Variants in SYNE3 observed in about 807,000 individuals in gnomAD.
SYNE3 encodes the protein spectrin repeat containing nuclear envelope family member 3, also known as nesprin-3.
SYNE3 carries 100 observed loss-of-function variants against 111.2 expected under a neutral mutation model. The observed-to-expected ratio is 0.90, with a 90% CI of 0.77 to 1.06. The LOEUF (loss-of-function observed/expected upper bound fraction) is 1.06, where lower values mean the gene tolerates loss of function less well. Among genes scored for constraint, SYNE3 ranks in the 50% least tolerant of loss-of-function variants. The pLI is 0.00. For missense variants in SYNE3, 1,160 were observed against 1,240.3 expected (o/e 0.94, Z 0.97); for synonymous variants, 547 against 533.9 (o/e 1.02, Z -0.34).
intron 1 of SYNE3, among the ~76,000 whole-genome samples, chr14:95,481,040 G>A (rs1383970078): frequency 6.6e-6 from 1 of 152,220 alleles, no homozygotes; most frequent in Non-Finnish European, 1.5e-5. Context: ...TTAGAATGCT[G>A]CGGGGCTGAC....
intron 17 of SYNE3, among the ~76,000 whole-genome samples, chr14:95,427,339 G>C (rs1425052856): frequency 6.6e-6 from 1 of 152,130 alleles, no homozygotes; most frequent in African/African-American, 2.4e-5. Flanking sequence ...GGAGTTTAGA[G>C]AAGACTCTAC....
At chr14:95,489,069 C>A (rs1697848379) in intron 1 of SYNE3, among the ~76,000 whole-genome samples, 2 of 152,212 alleles carry the variant, frequency 1.3e-5, no homozygotes, top group South Asian at 4.1e-4. Context: ...AGCTGAGTGA[C>A]TGAGTGACAA....
At chr14:95,448,730 A>G (rs552515591) in intron 8 of SYNE3, among the ~76,000 whole-genome samples, 2 of 152,308 alleles carry the variant, frequency 1.3e-5, no homozygotes, top group South Asian at 4.1e-4. Flanking sequence ...TATTGTCCCA[A>G]TGTAAGCCCC....
intron 7 of SYNE3, 23 bp downstream of exon 7, chr14:95,452,224 C>A: frequency 1.3e-6 from 2 of 1,567,184 alleles, no homozygotes; most frequent in Non-Finnish European, 1.7e-6. Context: ...CTGAGTCCCA[C>A]CACCCTTGGC....
chr14:95,437,246 G>C (rs10146326), intron 14 of SYNE3, among the ~76,000 whole-genome samples: 3,795 of 152,294 alleles, frequency 0.025, 173 homozygotes, highest in African/African-American at 0.086. Flanking sequence ...TATACAAATA[G>C]TCACCCTTCC....
chr14:95,437,462 G>A (rs914726936), intron 14 of SYNE3, among the ~76,000 whole-genome samples: 1 of 152,170 alleles, frequency 6.6e-6, no homozygotes, highest in Non-Finnish European at 1.5e-5. Context: ...ACTGGCACTC[G>A]AATTTCTCCC....
In SYNE3 at chr14:95,439,238, T is replaced by C. The variant is rs566948463; in HGVS notation, c.2247-76A>G. The C allele has an allele frequency of 1.7e-5, 27 of 1,595,122 alleles. No homozygotes were observed. The East Asian group carries it at 3.8e-4, about 23-fold the overall frequency. ...CCAGGACATGGGAAAAGTAATAGAATTGGGGAACCACGGGTCACGAGTCAG... is the reference window on the plus strand; with the variant it reads ...CCAGGACATGGGAAAAGTAATAGAACTGGGGAACCACGGGTCACGAGTCAG... On this transcript the variant is annotated intron_variant, in intron 13 of 17. Transcript: ENST00000682763.
In SYNE3 at chr14:95,446,106, G is replaced by A; in HGVS notation, c.1450-15C>T. 4 of 1,613,432 alleles carry A rather than the reference G, an allele frequency of 2.5e-6. No homozygotes were observed. Among genetic ancestry groups the A allele is most frequent in the Non-Finnish European group, 3.4e-6 (4 of 1,179,826 alleles). ...ATCAGGGCTGCCTGTGGGAGACAAG[G>A]CTTCCGTGAACCACAGACCGGGCAG... On this transcript the variant is annotated splice_polypyrimidine_tract_variant and intron_variant, in intron 8 of 17. Coordinates refer to ENST00000682763, the MANE Select transcript of SYNE3 (RefSeq NM_152592.6).
intron 1 of SYNE3, among the ~76,000 whole-genome samples, chr14:95,494,552 C>G (rs1178252675): frequency 6.6e-6 from 1 of 152,102 alleles, no homozygotes; most frequent in African/African-American, 2.4e-5. Flanking sequence ...GGGGACTGAA[C>G]AGCACAGGAT....
rs1436475777 is a variant in SYNE3 at position 95,485,593 on chromosome 14, G to A, written c.-14-9758C>T. The stretch of plus-strand genomic sequence containing the variant: ...AGCCCCTAGACCTCCCAGGAATGCC[G>A]AAATGCTCAGCGTTTTTTTCCCTCT... On this transcript the variant is annotated intron_variant, in intron 1 of 17. Transcript: ENST00000682763. The surrounding 1 kb of genome is among the most constrained non-coding windows in gnomAD (Gnocchi z 4.3). Among the ~76,000 whole-genome samples, 3 of 152,094 alleles carry A rather than the reference G, an allele frequency of 2.0e-5. No homozygotes were observed. The highest frequency in any genetic ancestry group is 2.1e-4 in the South Asian group (1 of 4,822).
At chr14:95,513,406 G>C (rs1890791153) in intron 1 of SYNE3, among the ~76,000 whole-genome samples, 1 of 152,102 alleles carries the variant, frequency 6.6e-6, no homozygotes, top group Non-Finnish European at 1.5e-5. Context: ...CTGCACTCTG[G>C]TGTTACAATG....
At chr14:95,432,215 G>T in intron 16 of SYNE3, 98 bp from the exon 17 acceptor site, 1 of 1,397,174 alleles carries the variant, frequency 7.2e-7, no homozygotes, top group Non-Finnish European at 9.9e-7. Context: ...TATTCGTTTT[G>T]TCAGGGGAGT....
intron 1 of SYNE3, among the ~76,000 whole-genome samples, chr14:95,515,758 A>G (rs1015594632): frequency 2.0e-5 from 3 of 152,210 alleles, no homozygotes; most frequent in Non-Finnish European, 1.5e-5. Context: ...GAGTCCCAGG[A>G]AAGCCCAGGG....
At chr14:95,449,443 A>T in intron 8 of SYNE3, 1 of 985,386 alleles carries the variant, frequency 1.0e-6, no homozygotes, top group Non-Finnish European at 1.2e-6. Context: ...TTCATGGGAG[A>T]TGCACGTTTG....
At chr14:95,496,260 G>A (rs560059199) in intron 1 of SYNE3, among the ~76,000 whole-genome samples, 1 of 152,324 alleles carries the variant, frequency 6.6e-6, no homozygotes, top group East Asian at 1.9e-4. Context: ...GAACCAAACA[G>A]ATAAGAGCAT....
intron 1 of SYNE3, among the ~76,000 whole-genome samples, chr14:95,513,195 G>GT (rs1890784475): frequency 6.6e-6 from 1 of 152,138 alleles, no homozygotes; most frequent in Non-Finnish European, 1.5e-5. Context: ...AGCACGCGTG[G>GT]TAATGCTTGG....
rs1290664485 is a variant in SYNE3 at position 95,501,905 on chromosome 14, T to C, written c.-15+14691A>G. Reference sequence around the variant, plus strand: ...TGGCCCCAAGCACAAGGAGGTTTTCTGTCTTCACAGACTCTTGCGGGGGCA... The same window carrying C: ...TGGCCCCAAGCACAAGGAGGTTTTCCGTCTTCACAGACTCTTGCGGGGGCA... On this transcript the variant is annotated intron_variant, in intron 1 of 17. Coordinates refer to ENST00000682763, the MANE Select transcript of SYNE3 (RefSeq NM_152592.6). Among the ~76,000 whole-genome samples the C allele has an allele frequency of 2.0e-5, 3 of 152,190 alleles. No individual in the cohort carries two copies. In the East Asian group the frequency reaches 5.8e-4, roughly 29 times the overall value.
chr14:95,467,789 C>T lies in SYNE3; in HGVS notation c.317+6G>A, dbSNP rs759575776. 1.2e-6 allele frequency: 2 copies of T among 1,614,030 alleles called. No homozygotes were observed. The highest frequency in any genetic ancestry group is 1.7e-5 in the Admixed American group (1 of 60,016). ...CAGCTGTGGACAAAGGCCCTGGATG[C>T]CCTACCTGTGACAGTGAGTCATGTA... On this transcript the variant is annotated splice_donor_region_variant and intron_variant, in intron 3 of 17. Coordinates refer to ENST00000682763, the MANE Select transcript of SYNE3 (RefSeq NM_152592.6).
Position 95,475,847 on chromosome 14 carries a change from G to T in SYNE3, c.-14-12C>A. The stretch of plus-strand genomic sequence containing the variant: ...GGCACCTGCAGGGGCTGAAGAAAGG[G>T]CCACAGATAAGGCCAACAGGCAGGA... On this transcript the variant is annotated splice_polypyrimidine_tract_variant and intron_variant, in intron 1 of 17. Transcript: ENST00000682763. The T allele has an allele frequency of 6.7e-7, 1 of 1,495,260 alleles. No individual in the cohort carries two copies. Among genetic ancestry groups the T allele is most frequent in the Non-Finnish European group, 8.9e-7 (1 of 1,122,336 alleles). The allele number at this position is 1,495,260 out of a possible 1,614,324, so 92.6% of individuals were successfully genotyped here.
Sources: allele counts gnomAD v4.1 joint callset (sites outside exome capture counted in the v4.1 genomes callset), GRCh38; gene constraint gnomAD v4.1.1; non-coding constraint Gnocchi (gnomAD v3.1); transcripts MANE v1.5; gene names NCBI Gene and HGNC (gene_info 2026-07-23, HGNC 2026-07-21).